The following MYSM1 variants were observed in gnomAD, a reference collection of about 807,000 sequenced individuals.
MYSM1 encodes the protein deubiquitinase MYSM1.
A neutral mutation model predicts 116.0 loss-of-function variants in MYSM1; 51 were observed. The ratio of observed to expected loss-of-function variants is 0.44; its 90% CI spans 0.35 to 0.56. The LOEUF is 0.56. Ranked by LOEUF, MYSM1 falls within the 20% of genes least tolerant of loss-of-function variation. MYSM1 has a pLI of 0.00. For missense variants in MYSM1, 900 were observed against 974.9 expected, an observed-to-expected ratio of 0.92 and a Z score of 1.02; for synonymous variants, 313 against 315.2, an observed-to-expected ratio of 0.99 and a Z score of 0.07.
chr1:58,690,238 G>T lies in MYSM1; in HGVS notation c.308C>A (p.Thr103Lys). ...TATAAGTACATACATGATTTTTGCT[G>T]TTTTCTGCAGACTGCATCACATGAA... ...DKKYMKSLQK[T>K]AKIMVHSPTK... The change falls in exon 5 of 20, where the codon ACA (threonine) becomes AAA (lysine). Residue 103 changes from threonine to lysine, a missense_variant. By Grantham distance (78) the Thr-to-Lys change is moderately conservative (BLOSUM62 -1). Around this residue, in one of 3 missense-constraint regions of MYSM1, gnomAD observed 622 missense variants for 623.7 expected, o/e 1.00. Transcript: ENST00000472487. 1 of 1,569,838 alleles carries T rather than the reference G, an allele frequency of 6.4e-7. No homozygotes were observed. Among genetic ancestry groups the T allele is most frequent in the Non-Finnish European group, 8.6e-7 (1 of 1,161,118 alleles).
At chr1:58,677,664 G>A (rs778473121) in intron 8 of MYSM1, among the ~76,000 whole-genome samples, 8 of 152,044 alleles carry the variant, frequency 5.3e-5, no homozygotes, top group Non-Finnish European at 7.4e-5. Context: ...AATAAAACAC[G>A]TATTTATTGA....
rs28626236 is a variant in MYSM1, at chr1:58,661,301, C to G, written c.2271-74G>C. The G allele has an allele frequency of 1.1e-5, 15 of 1,359,398 alleles. No homozygotes were observed. In the South Asian group the frequency reaches 1.8e-4, roughly 16 times the overall value. 84.2% of individuals were successfully genotyped at this position (1,359,398 alleles called of 1,614,324 possible). On this transcript the variant is annotated intron_variant, in intron 18 of 19. Transcript: ENST00000472487. ...TAATCAGTTTCATAATAAACTATCA[C>G]GGATGCCATACATCACAATTTTATA... is the stretch of plus-strand genomic sequence containing the variant.
In MYSM1 at chr1:58,658,390, C is replaced by G. The variant is rs1161579672; in HGVS notation, c.*1607G>C. The G allele has an allele frequency of 6.6e-6, 1 of 151,802 alleles. No individual in the cohort carries two copies. Among genetic ancestry groups the G allele is most frequent in the Non-Finnish European group, 1.5e-5 (1 of 67,980 alleles). 9.4% of individuals were successfully genotyped at this position (151,802 alleles called of 1,614,324 possible). The stretch of plus-strand genomic sequence containing the variant: ...CTGTATTAACTCAAAATATAAACTT[C>G]ACAAGAGTAGTCCAACGATTAGAAT... On this transcript the variant is annotated 3_prime_UTR_variant, in exon 20 of 20. Coordinates refer to ENST00000472487, the MANE Select transcript of MYSM1 (RefSeq NM_001085487.3).
intron 12 of MYSM1, among the ~76,000 whole-genome samples, chr1:58,671,203 C>T (rs675871): frequency 0.88 from 133,926 of 152,194 alleles, 58,913 homozygotes; most frequent in East Asian, 0.93. Context: ...GGAGTGAGAA[C>T]ATTAACTAAT....
chr1:58,666,862 G>A (rs1286230645), intron 16 of MYSM1, among the ~76,000 whole-genome samples, 176 bp downstream of exon 16: 4 of 146,776 alleles, frequency 2.7e-5, no homozygotes, highest in Non-Finnish European at 3.0e-5. Context: ...CAACAAGAGC[G>A]AAACTCTGTC....
chr1:58,663,961 C>G (rs1644431203), intron 17 of MYSM1, among the ~76,000 whole-genome samples: 1 of 152,096 alleles, frequency 6.6e-6, no homozygotes, highest in African/African-American at 2.4e-5. Flanking sequence ...CAATCGTATT[C>G]CTTTGCTGCT....
In MYSM1 at chr1:58,682,118, A is replaced by G; in HGVS notation, c.926T>C (p.Ile309Thr). Reference protein sequence around the residue: ...EKQSNGDKKSIELNDQKFNEL... With the variant: ...EKQSNGDKKSTELNDQKFNEL... Reference sequence around the variant, plus strand: ...ATTAAATTTCTGGTCATTTAATTCAATTGATTTTTTGTCACCATTGCTCTG... The same window carrying G: ...ATTAAATTTCTGGTCATTTAATTCAGTTGATTTTTTGTCACCATTGCTCTG... Residue 309 changes from isoleucine (I) to threonine (T), a missense_variant, in exon 8 of 20, where the codon ATT (isoleucine) becomes ACT (threonine). Ile to Thr is a moderately conservative substitution (Grantham distance 89). Around this residue, in one of 3 missense-constraint regions of MYSM1, gnomAD observed 622 missense variants for 623.7 expected, o/e 1.00. Coordinates refer to ENST00000472487, the MANE Select transcript of MYSM1 (RefSeq NM_001085487.3). The G allele has an allele frequency of 6.2e-7, 1 of 1,613,768 alleles. No homozygotes were observed. Among genetic ancestry groups the G allele is most frequent in the Non-Finnish European group, 8.5e-7 (1 of 1,179,862 alleles).
intron 17 of MYSM1, among the ~76,000 whole-genome samples, chr1:58,661,922 T>A (rs915051366): frequency 1.7e-4 from 26 of 151,644 alleles, no homozygotes; most frequent in African/African-American, 2.2e-4. Context: ...TAATTAAAAA[T>A]ATATATATAT....
chr1:58,657,496 C>A lies in MYSM1; in HGVS notation c.*2501G>T. The A allele has an allele frequency of 6.6e-6, 1 of 151,964 alleles. No individual in the cohort carries two copies. The highest frequency in any genetic ancestry group is 1.5e-5 in the Non-Finnish European group (1 of 68,016). The allele number at this position is 151,964 out of a possible 1,614,324, so 9.4% of individuals were successfully genotyped here. On this transcript the variant is annotated 3_prime_UTR_variant, in exon 20 of 20. Coordinates refer to ENST00000472487, the MANE Select transcript of MYSM1 (RefSeq NM_001085487.3). ...GGTAGTAGCCCAAGGCTGGTAGTGC[C>A]AGCAATGTGGGTACCTGTGGTTGCA...
intron 8 of MYSM1, 88 bp from the exon 9 acceptor site, chr1:58,677,144 C>A (rs1311981655): frequency 8.3e-7 from 1 of 1,205,472 alleles, no homozygotes; most frequent in Non-Finnish European, 1.2e-6. Context: ...TTTGAAATAT[C>A]TCTAAATTTT....
At chr1:58,684,546 C>G (rs896378249) in intron 7 of MYSM1, among the ~76,000 whole-genome samples, 2 of 115,996 alleles carry the variant, frequency 1.7e-5, no homozygotes, top group African/African-American at 6.8e-5. Context: ...GCCTGGGCGA[C>G]AGAGCAAGAC....
intron 11 of MYSM1, among the ~76,000 whole-genome samples, 191 bp from the exon 12 acceptor site, chr1:58,672,149 G>A (rs923126728): frequency 6.6e-6 from 1 of 152,074 alleles, no homozygotes; most frequent in African/African-American, 2.4e-5. Flanking sequence ...CAAAAGACAC[G>A]GCCATCCCAA....
chr1:58,675,652 G>A, intron 9 of MYSM1, 72 bp from the exon 10 acceptor site: 1 of 1,119,644 alleles, frequency 8.9e-7, no homozygotes, highest in Non-Finnish European at 1.3e-6. Flanking sequence ...TAAGACACAT[G>A]TACACTGACT....
At chr1:58,664,908 A>C (rs140160638) in intron 17 of MYSM1, among the ~76,000 whole-genome samples, 9 of 152,184 alleles carry the variant, frequency 5.9e-5, no homozygotes, top group Non-Finnish European at 1.0e-4. Context: ...CTTTCTAGCC[A>C]CACTCCCTTC....
At chr1:58,670,034 T>A (rs1644537168) in intron 12 of MYSM1, among the ~76,000 whole-genome samples, 1 of 152,054 alleles carries the variant, frequency 6.6e-6, no homozygotes, top group African/African-American at 2.4e-5. Flanking sequence ...CAGGAATACA[T>A]TCGCATTAAC....
intron 8 of MYSM1, among the ~76,000 whole-genome samples, chr1:58,679,586 GT>G (rs1644706410): frequency 6.6e-6 from 1 of 152,118 alleles, no homozygotes; most frequent in Non-Finnish European, 1.5e-5. Flanking sequence ...AGTCTCCTGA[GT>G]AGCTACAACT....
intron 6 of MYSM1, among the ~76,000 whole-genome samples, chr1:58,686,053 GT>G (rs1644823604): frequency 6.6e-6 from 1 of 152,124 alleles, no homozygotes. Context: ...AGCCTTCCCA[GT>G]AGCTGGGACT....
At chr1:58,671,996 C>G (rs1317229186) in intron 11 of MYSM1, 38 bp from the exon 12 acceptor site, 1 of 1,505,838 alleles carries the variant, frequency 6.6e-7, no homozygotes, top group Admixed American at 1.7e-5. Flanking sequence ...AGTCCATCAT[C>G]TACTAAGAGG....
chr1:58,664,096 T>TA (rs1328875852), intron 17 of MYSM1, among the ~76,000 whole-genome samples: 5 of 152,210 alleles, frequency 3.3e-5, no homozygotes, highest in Admixed American at 6.5e-5. Context: ...AAATTTCATG[T>TA]AATTCTAATC....
Sources: gnomAD v4.1 joint callset for allele counts (sites outside exome capture counted in the v4.1 genomes callset) on GRCh38, gnomAD v4.1.1 for gene constraint, gnomAD v4.1.1 regional missense constraint, MANE v1.5 for transcripts, NCBI Gene and HGNC (gene_info 2026-07-23, HGNC 2026-07-21) for gene names.